Variants in SLC10A1 observed in about 807,000 individuals in gnomAD.
SLC10A1 encodes the protein solute carrier family 10 member 1.
In SLC10A1, 36 loss-of-function variants were observed where a neutral mutation model predicts 20.5. That is an observed-to-expected ratio of 1.75 (90% CI 1.34 to 2.32). The LOEUF (loss-of-function observed/expected upper bound fraction) is 2.32, where lower values mean the gene tolerates loss of function less well. Among genes scored for constraint, SLC10A1 ranks in the 30% most tolerant of loss-of-function variants. SLC10A1 has a pLI of 0.00. For missense variants in SLC10A1, 545 were observed against 439.1 expected (o/e 1.24, Z -2.16); for synonymous variants, 188 against 163.6 (o/e 1.15, Z -1.14).
At chr14:69,795,135 C>T (rs751257097) in intron 1 of SLC10A1, among the ~76,000 whole-genome samples, 6 of 152,184 alleles carry the variant, frequency 3.9e-5, no homozygotes, top group Non-Finnish European at 5.9e-5. Flanking sequence ...TGAGCCTTGT[C>T]CAGAAGCCAG....
intron 1 of SLC10A1, 152 bp from the exon 2 acceptor site, chr14:69,786,459 T>A (rs749324180): frequency 1.5e-6 from 1 of 645,440 alleles, no homozygotes; most frequent in Non-Finnish European, 2.8e-6. Context: ...GCATACTATC[T>A]TCTTTTCGCT....
At chr14:69,787,619 A>G (rs1883753035) in intron 1 of SLC10A1, among the ~76,000 whole-genome samples, 1 of 152,268 alleles carries the variant, frequency 6.6e-6, no homozygotes, top group South Asian at 2.1e-4. Context: ...GGCATGTCAT[A>G]AGGATAAGAG....
chr14:69,786,359 C>G (rs1464931983), intron 1 of SLC10A1, 52 bp from the exon 2 acceptor site: 5 of 1,511,204 alleles, frequency 3.3e-6, no homozygotes, highest in Non-Finnish European at 4.6e-6. Flanking sequence ...TAAATACAGA[C>G]TATTTTGTTG....
chr14:69,786,451 ATACTATC>A, intron 1 of SLC10A1, 144 bp from the exon 2 acceptor site: 1 of 656,858 alleles, frequency 1.5e-6, no homozygotes, highest in Non-Finnish European at 2.7e-6. Flanking sequence ...GGCAGTAAGC[ATACTATC>A]TTCTTTTCGC....
At chr14:69,780,845 T>C (rs1367277228) in intron 2 of SLC10A1, among the ~76,000 whole-genome samples, 1 of 152,240 alleles carries the variant, frequency 6.6e-6, no homozygotes, top group Non-Finnish European at 1.5e-5. Context: ...TCTTTCGAAT[T>C]TGTCCTTTAC....
At chr14:69,787,862 C>T (rs1299096343) in intron 1 of SLC10A1, among the ~76,000 whole-genome samples, 1 of 151,874 alleles carries the variant, frequency 6.6e-6, no homozygotes, top group Non-Finnish European at 1.5e-5. Context: ...AGACCCCTGT[C>T]TCTACACACA....
intron 4 of SLC10A1, 31 bp downstream of exon 4, chr14:69,778,301 GA>G: frequency 6.5e-7 from 1 of 1,538,662 alleles, no homozygotes; most frequent in Non-Finnish European, 8.8e-7. Context: ...TATTGGAGCA[GA>G]ACTTGAAGTG....
chr14:69,779,280 A>G lies in SLC10A1; in HGVS notation c.648T>C (p.Phe216=). 6.2e-7 allele frequency: 1 copy of G among 1,614,076 alleles called. No homozygotes were observed. The highest frequency in any genetic ancestry group is 8.5e-7 in the Non-Finnish European group (1 of 1,179,968). Residue 216 remains phenylalanine, a synonymous_variant, in exon 3 of 5, where the codon TTT becomes TTC. Transcript: ENST00000216540. ...SAINVGKSIM[F]AMTPLLIATS... ...TGGCAATCAAGAGTGGTGTCATGGC[A>G]AACATGATGCTCTTCCCCACATTGA...
At chr14:69,789,585 G>A (rs561097286) in intron 1 of SLC10A1, among the ~76,000 whole-genome samples, 1 of 152,226 alleles carries the variant, frequency 6.6e-6, no homozygotes, top group South Asian at 2.1e-4. Flanking sequence ...CCTTTTTGGG[G>A]TATTGAAAAT....
At chr14:69,790,581 A>T (rs1033207595) in intron 1 of SLC10A1, among the ~76,000 whole-genome samples, 5 of 152,134 alleles carry the variant, frequency 3.3e-5, no homozygotes, top group Admixed American at 6.5e-5. Flanking sequence ...AGTCAACAAA[A>T]TTTAATGTTC....
intron 2 of SLC10A1, among the ~76,000 whole-genome samples, chr14:69,785,591 C>CTTTTTTTTTTTTTTT (rs541758842): frequency 2.7e-4 from 35 of 130,496 alleles, no homozygotes; most frequent in Non-Finnish European, 3.3e-4. Flanking sequence ...TCTTTCTTTT[C>CTTTTTTTTTTTTTTT]TTTTTTTTTT....
intron 1 of SLC10A1, among the ~76,000 whole-genome samples, chr14:69,789,782 A>T (rs1389700551): frequency 3.3e-5 from 5 of 152,198 alleles, no homozygotes; most frequent in Non-Finnish European, 7.4e-5. Flanking sequence ...ACATATTTAT[A>T]TTGAAAAAGA....
chr14:69,785,591 CTTT>C (rs541758842), intron 2 of SLC10A1, among the ~76,000 whole-genome samples: 3 of 130,510 alleles, frequency 2.3e-5, no homozygotes, highest in Non-Finnish European at 3.3e-5. Context: ...TCTTTCTTTT[CTTT>C]TTTTTTTTTT....
intron 2 of SLC10A1, among the ~76,000 whole-genome samples, chr14:69,783,941 A>G (rs929432273): frequency 2.6e-5 from 4 of 152,222 alleles, no homozygotes; most frequent in African/African-American, 9.6e-5. Flanking sequence ...AGATAACCAC[A>G]TGGGGAGGAG....
chr14:69,794,507 G>A (rs558990334), intron 1 of SLC10A1, among the ~76,000 whole-genome samples: 2 of 152,176 alleles, frequency 1.3e-5, no homozygotes, highest in Non-Finnish European at 2.9e-5. Flanking sequence ...CCCCCAGGGT[G>A]CTGTAGGAGG....
At chr14:69,784,990 G>C (rs531774092) in intron 2 of SLC10A1, among the ~76,000 whole-genome samples, 1 of 152,288 alleles carries the variant, frequency 6.6e-6, no homozygotes, top group Admixed American at 6.5e-5. Context: ...TGACTTCTTT[G>C]TTCCAGGCCC....
rs1566637131 is a variant in SLC10A1, at chr14:69,786,304, A to T, written c.360T>A (p.Ile120=). 2 of 1,613,808 alleles carry T rather than the reference A, an allele frequency of 1.2e-6. No individual in the cohort carries two copies. Among genetic ancestry groups the T allele is most frequent in the Middle Eastern group, 1.7e-4 (1 of 6,054 alleles). The part of the protein sequence containing the change: ...LAMKGDMNLS[I]VMTTCSTFCA... ...AGAAGGTGGAGCAGGTGGTCATCAC[A>T]ATGCTGGTGGGAGACATGGGAAGAG... The change falls in exon 2 of 5, where the codon ATT becomes ATA. Residue 120 remains isoleucine (I), a synonymous_variant. Transcript: ENST00000216540.
intron 1 of SLC10A1, among the ~76,000 whole-genome samples, chr14:69,789,368 T>C (rs79045137): frequency 0.025 from 3,739 of 152,334 alleles, 106 homozygotes; most frequent in African/African-American, 0.068. Flanking sequence ...TGGGATATTA[T>C]TCAATTACAA....
chr14:69,789,567 A>T (rs1014207596), intron 1 of SLC10A1, among the ~76,000 whole-genome samples: 2 of 152,152 alleles, frequency 1.3e-5, no homozygotes, highest in Non-Finnish European at 1.5e-5. Context: ...GCTAAATGGG[A>T]TGGAGTTCCT....
Sources: gnomAD v4.1 joint callset for allele counts (sites outside exome capture counted in the v4.1 genomes callset) on GRCh38, gnomAD v4.1.1 for gene constraint, MANE v1.5 for transcripts, NCBI Gene and HGNC (gene_info 2026-07-23, HGNC 2026-07-21) for gene names.